Variants in CLIP2 observed in about 807,000 individuals in gnomAD.
CLIP2 encodes the protein CAP-Gly domain containing linker protein 2, also known as CAP-Gly domain-containing linker protein 2.
In CLIP2, 41 loss-of-function variants were observed where a neutral mutation model predicts 111.7. The observed-to-expected ratio is 0.37, with a 90% CI of 0.29 to 0.48. The LOEUF is 0.48. CLIP2 is among the 20% of genes least tolerant of loss of function. The pLI, the probability that CLIP2 is intolerant of heterozygous loss-of-function variation, is 0.99. For synonymous variants in CLIP2, 660 were observed against 644.2 expected (o/e 1.02, Z -0.37); for missense variants, 1,160 against 1,422.1 (o/e 0.82, Z 2.96).
At chr7:74,342,797 C>T (rs1223512754) in intron 3 of CLIP2, among the ~76,000 whole-genome samples, 2 of 152,106 alleles carry the variant, frequency 1.3e-5, no homozygotes, top group African/African-American at 4.8e-5. Flanking sequence ...CCTATAATCC[C>T]GGCACTTTGA....
At chr7:74,327,082 G>A (rs1487793896) in intron 2 of CLIP2, among the ~76,000 whole-genome samples, 1 of 152,018 alleles carries the variant, frequency 6.6e-6, no homozygotes, top group Non-Finnish European at 1.5e-5. Context: ...AGCTGCTTCA[G>A]GAAAGTTTGG....
intron 1 of CLIP2, among the ~76,000 whole-genome samples, chr7:74,293,541 C>T (rs916928099): frequency 2.0e-5 from 3 of 152,234 alleles, no homozygotes; most frequent in South Asian, 2.1e-4. Context: ...CGCCTCTGCT[C>T]GGCTAGTGGG....
At chr7:74,370,966 G>T (rs747060965) in intron 8 of CLIP2, among the ~76,000 whole-genome samples, 45 of 151,960 alleles carry the variant, frequency 3.0e-4, no homozygotes, top group Admixed American at 8.5e-4. Flanking sequence ...CCCGTTGAGG[G>T]GCCAGGCGTG....
intron 14 of CLIP2, among the ~76,000 whole-genome samples, chr7:74,399,921 G>A (rs1009226053): frequency 3.3e-5 from 5 of 151,452 alleles, no homozygotes; most frequent in African/African-American, 1.2e-4. Flanking sequence ...TTGGGAAGCC[G>A]AGGCGGGTGG....
rs551908750 is a variant in CLIP2 at position 74,299,561 on chromosome 7, G to A, written c.-68+9827G>A. On this transcript the variant is annotated intron_variant, in intron 1 of 16. Transcript: ENST00000223398. ...AGTGGACCCTGGTTTGCACCCTGTCGCCTCTGGCTGGGGCCGCTTATGCCA... is the reference window on the plus strand; with the variant it reads ...AGTGGACCCTGGTTTGCACCCTGTCACCTCTGGCTGGGGCCGCTTATGCCA... Among the ~76,000 whole-genome samples the A allele has an allele frequency of 3.4e-4, 52 of 152,258 alleles. 1 individual carries two copies. The Middle Eastern group carries it at 0.01, about 30-fold the overall frequency.
chr7:74,380,561 T>G (rs1033546735), intron 10 of CLIP2: 3 of 372,190 alleles, frequency 8.1e-6, no homozygotes, highest in Non-Finnish European at 1.4e-5. Flanking sequence ...TAGGAGGTAT[T>G]CATGTATAAG....
Position 74,400,546 on chromosome 7 carries a change from C to G in CLIP2, c.3057C>G (p.Asp1019Glu), listed in dbSNP as rs1791590795. The G allele has an allele frequency of 6.3e-7, 1 of 1,580,190 alleles. No homozygotes were observed. Among genetic ancestry groups the G allele is most frequent in the Non-Finnish European group, 8.6e-7 (1 of 1,163,232 alleles). The change falls in exon 15 of 17, where the codon GAC becomes GAG. Residue 1019 changes from aspartate (D) to glutamate (E), a missense_variant. By Grantham distance (45) the Asp-to-Glu change is conservative. Around this residue, in one of 5 missense-constraint regions of CLIP2, gnomAD observed 676 missense variants for 777.8 expected, o/e 0.87. Transcript: ENST00000223398. ...TGGAGGCCATGAGGAGCTGCCCTGA[C>G]AAGGCCCAGGTGAGCCGCGGCTGAC... is the stretch of plus-strand genomic sequence containing the variant. ...KLMEAMRSCPDKAQTIGNSGS... is the reference protein window; with the variant it reads ...KLMEAMRSCPEKAQTIGNSGS...
Position 74,376,581 on chromosome 7 carries a change from A to ATGCCGAGC in CLIP2, c.2184_2191dup (p.Arg731ProfsTer81). The stretch of plus-strand genomic sequence containing the variant: ...CAGGAGGCCCAGGACCAGCGCCGGG[A>ATGCCGAGC]TGCCGAGCTGCGTGTGCACGAGCTG... On this transcript the variant is annotated frameshift_variant, in exon 10 of 17. Transcript: ENST00000223398. LOFTEE classifies it high-confidence loss of function. This position sits in a 1 kb window ranked among gnomAD's most constrained non-coding sequence, Gnocchi z 7.1. 1 of 1,611,382 alleles carries ATGCCGAGC rather than the reference A, an allele frequency of 6.2e-7. No individual in the cohort carries two copies. Among genetic ancestry groups the ATGCCGAGC allele is most frequent in the Non-Finnish European group, 8.5e-7 (1 of 1,179,202 alleles).
In CLIP2 at chr7:74,389,097, C is replaced by A; in HGVS notation, c.2564-6C>A. The A allele has an allele frequency of 6.2e-7, 1 of 1,604,434 alleles. No individual in the cohort carries two copies. On this transcript the variant is annotated splice_polypyrimidine_tract_variant and splice_region_variant and intron_variant, in intron 12 of 16. Coordinates refer to ENST00000223398, the MANE Select transcript of CLIP2 (RefSeq NM_003388.5). ...TCTTCCTCCCTTCCCTGCCGGCTGA[C>A]CCCAGCGCTGGAGAGCAAGTGTAAG...
intron 13 of CLIP2, among the ~76,000 whole-genome samples, chr7:74,392,612 A>T (rs1325103148): frequency 1.3e-5 from 2 of 152,116 alleles, no homozygotes; most frequent in African/African-American, 4.8e-5. Context: ...AGATCACCTG[A>T]GGTCAGGAGT....
chr7:74,295,936 C>T (rs1229420006), intron 1 of CLIP2, among the ~76,000 whole-genome samples: 1 of 139,266 alleles, frequency 7.2e-6, no homozygotes, highest in African/African-American at 2.8e-5. Flanking sequence ...CTGCAATGAG[C>T]TATGATCGTG....
chr7:74,376,038 G>A lies in CLIP2; in HGVS notation c.1637G>A (p.Arg546Gln), dbSNP rs1490081767. The A allele has an allele frequency of 2.5e-6, 4 of 1,612,472 alleles. No individual in the cohort carries two copies. Among genetic ancestry groups the A allele is most frequent in the Non-Finnish European group, 8.5e-7 (1 of 1,179,876 alleles). Reference sequence around the variant, plus strand: ...GACGCCGCCGAGATCCTGCGGCTACGGGAGCGGCTGCTCTCGGCCAGCAAG... The same window carrying A: ...GACGCCGCCGAGATCCTGCGGCTACAGGAGCGGCTGCTCTCGGCCAGCAAG... ...HPDAAEILRL[R>Q]ERLLSASKEH... The change falls in exon 10 of 17, where the codon CGG becomes CAG. Residue 546 changes from arginine to glutamine, a missense_variant. By Grantham distance (43) the Arg-to-Gln change is conservative. Around this residue, in one of 5 missense-constraint regions of CLIP2, gnomAD observed 676 missense variants for 777.8 expected, o/e 0.87. Coordinates refer to ENST00000223398, the MANE Select transcript of CLIP2 (RefSeq NM_003388.5). This position sits in a 1 kb window ranked among gnomAD's most constrained non-coding sequence, Gnocchi z 7.1.
In CLIP2 at chr7:74,404,576, G is replaced by A. The variant is rs1264872716; in HGVS notation, c.*728G>A. The stretch of plus-strand genomic sequence containing the variant: ...AGATGTCACCAAGGCCAAAGACACA[G>A]TATTATGAAGGTTTGGAAACCCCTC... On this transcript the variant is annotated 3_prime_UTR_variant, in exon 17 of 17. Coordinates refer to ENST00000223398, the MANE Select transcript of CLIP2 (RefSeq NM_003388.5). 6.5e-6 allele frequency: 1 copy of A among 152,772 alleles called. No homozygotes were observed. The highest frequency in any genetic ancestry group is 1.9e-4 in the East Asian group (1 of 5,188). 9.5% of individuals were successfully genotyped at this position (152,772 alleles called of 1,614,324 possible). A position where few individuals can be genotyped will look rare whatever the true frequency, so the allele number is the denominator to read the frequency against.
At chr7:74,295,731 A>G (rs999611182) in intron 1 of CLIP2, among the ~76,000 whole-genome samples, 1 of 152,162 alleles carries the variant, frequency 6.6e-6, no homozygotes, top group African/African-American at 2.4e-5. Context: ...TAGGCCAGGC[A>G]TCAGGGCTCA....
chr7:74,404,945 G>A lies in CLIP2; in HGVS notation c.*1097G>A, dbSNP rs1298032788. On this transcript the variant is annotated 3_prime_UTR_variant, in exon 17 of 17. Coordinates refer to ENST00000223398, the MANE Select transcript of CLIP2 (RefSeq NM_003388.5). ...GACCGTGCCTACAGATACTGCAAAC[G>A]TTCCTACAGCCTAGAGGTGCGTATA... 4 of 152,138 alleles carry A rather than the reference G, an allele frequency of 2.6e-5. No individual in the cohort carries two copies. The highest frequency in any genetic ancestry group is 4.4e-5 in the Non-Finnish European group (3 of 68,022). The allele number at this position is 152,138 out of a possible 1,614,324, so 9.4% of individuals were successfully genotyped here. A position where few individuals can be genotyped will look rare whatever the true frequency, so the allele number is the denominator to read the frequency against.
At chr7:74,384,345 A>G (rs1554314455) in intron 11 of CLIP2, among the ~76,000 whole-genome samples, 1 of 151,810 alleles carries the variant, frequency 6.6e-6, no homozygotes, top group Non-Finnish European at 1.5e-5. Flanking sequence ...ATTGTGAATG[A>G]TGCTGCTAAG....
intron 7 of CLIP2, among the ~76,000 whole-genome samples, chr7:74,363,281 C>T (rs544647370): frequency 6.6e-6 from 1 of 152,300 alleles, no homozygotes; most frequent in South Asian, 2.1e-4. Context: ...GGATTACGGG[C>T]GTGAGCCACT....
chr7:74,326,554 A>C (rs1789111627), intron 2 of CLIP2, among the ~76,000 whole-genome samples: 2 of 151,626 alleles, frequency 1.3e-5, no homozygotes, highest in South Asian at 4.2e-4. Context: ...TTAGACGGGG[A>C]GTTGGGCTAT....
At position 74,360,083 on chromosome 7, in the gene CLIP2, C is replaced by T; in HGVS notation, c.1216-92C>T. On this transcript the variant is annotated intron_variant, in intron 6 of 16. Transcript: ENST00000223398. ...AGTTGGGGTGACTGGGGTTCCAGGC[C>T]CTGCTCCTTGCCTGTCTCCCACCAC... 3 of 1,051,822 alleles carry T rather than the reference C, an allele frequency of 2.9e-6. No individual in the cohort carries two copies. In the South Asian group the frequency reaches 4.5e-5, roughly 16 times the overall value. The allele number at this position is 1,051,822 out of a possible 1,614,324, so 65.2% of individuals were successfully genotyped here.
Sources: allele counts gnomAD v4.1 joint callset (sites outside exome capture counted in the v4.1 genomes callset), GRCh38; gene constraint gnomAD v4.1.1; regional missense constraint gnomAD v4.1.1; non-coding constraint Gnocchi (gnomAD v3.1); transcripts MANE v1.5; gene names NCBI Gene and HGNC (gene_info 2026-07-23, HGNC 2026-07-21).